CEP70: variants seen among roughly 807,000 people sequenced by gnomAD.
CEP70 encodes the protein centrosomal protein of 70 kDa.
Under a neutral mutation model 90.9 loss-of-function variants are expected in CEP70, and 70 were observed. The observed-to-expected ratio is 0.77, with a 90% CI of 0.64 to 0.94. CEP70 has a LOEUF of 0.94. Among genes scored for constraint, CEP70 ranks in the 40% least tolerant of loss-of-function variants. The probability of loss-of-function intolerance (pLI) is 0.00; values close to 1 mark genes in which losing one functional copy is unlikely to be tolerated. For synonymous variants in CEP70, 220 were observed against 228.3 expected, an observed-to-expected ratio of 0.96 and a Z score of 0.33; for missense variants, 648 against 669.0, an observed-to-expected ratio of 0.97 and a Z score of 0.35.
At chr3:138,562,560 A>C (rs2040491259) in intron 6 of CEP70, among the ~76,000 whole-genome samples, 1 of 152,132 alleles carries the variant, frequency 6.6e-6, no homozygotes, top group Non-Finnish European at 1.5e-5. Flanking sequence ...AATATTCAAC[A>C]TTCTTAAAAA....
At chr3:138,496,383 G>A (rs924308306) in intron 17 of CEP70, 1 of 985,356 alleles carries the variant, frequency 1.0e-6, no homozygotes, top group Non-Finnish European at 1.2e-6. Flanking sequence ...CAAGATATGG[G>A]AACAGAAACA....
chr3:138,507,824 TAGG>T (rs1245733935), intron 12 of CEP70, among the ~76,000 whole-genome samples: 6 of 152,088 alleles, frequency 3.9e-5, no homozygotes, highest in African/African-American at 1.5e-4. Context: ...TCTGACTTTT[TAGG>T]AGAAGTTAGA....
chr3:138,586,974 TA>T (rs1415791504), intron 2 of CEP70, among the ~76,000 whole-genome samples: 1 of 151,810 alleles, frequency 6.6e-6, no homozygotes, highest in African/African-American at 2.4e-5. Flanking sequence ...CCCATGAAAT[TA>T]AAAAAATTTT....
intron 5 of CEP70, 29 bp from the exon 6 acceptor site, chr3:138,570,527 C>A: frequency 1.9e-6 from 3 of 1,542,754 alleles, no homozygotes; most frequent in South Asian, 1.2e-5. Flanking sequence ...AATTTCTTCC[C>A]TTAGTATTAA....
chr3:138,536,609 A>C (rs2038285336), intron 7 of CEP70, among the ~76,000 whole-genome samples: 1 of 152,026 alleles, frequency 6.6e-6, no homozygotes, highest in Non-Finnish European at 1.5e-5. Flanking sequence ...TATTATTTTG[A>C]AACTATTTTT....
intron 2 of CEP70, among the ~76,000 whole-genome samples, chr3:138,582,249 G>A (rs954244789): frequency 1.8e-4 from 27 of 152,074 alleles, no homozygotes; most frequent in African/African-American, 6.5e-4. Flanking sequence ...CGAGATGGGT[G>A]GATCACGAGG....
intron 2 of CEP70, among the ~76,000 whole-genome samples, chr3:138,573,669 G>A (rs997632591): frequency 1.5e-4 from 23 of 152,304 alleles, no homozygotes; most frequent in Admixed American, 1.1e-3. Context: ...AAAAATGGGC[G>A]AGTTTAAACA....
At chr3:138,592,421 A>G (rs1478429096) in intron 1 of CEP70, among the ~76,000 whole-genome samples, 1 of 152,160 alleles carries the variant, frequency 6.6e-6, no homozygotes, top group Non-Finnish European at 1.5e-5. Context: ...CCTTTTCCCC[A>G]CTACAGGCTG....
At chr3:138,537,978 G>GT (rs2038428532) in intron 6 of CEP70, among the ~76,000 whole-genome samples, 2 of 152,072 alleles carry the variant, frequency 1.3e-5, no homozygotes, top group Non-Finnish European at 2.9e-5. Flanking sequence ...CAAGCAGATG[G>GT]TAAGAGAATC....
chr3:138,559,564 C>G (rs559935915), intron 6 of CEP70, among the ~76,000 whole-genome samples: 14 of 152,166 alleles, frequency 9.2e-5, no homozygotes, highest in Non-Finnish European at 2.1e-4. Context: ...GAAACCCCAT[C>G]TCTACTAAAC....
Position 138,495,057 on chromosome 3 carries a change from G to A in CEP70, c.1752C>T (p.Ala584=), listed in dbSNP as rs200651923. ...TTAATTTCTTTACTGCAGGTACAAT[G>A]GCATCCAAGTCATCAATTTCTGTAA... ...LEILEIDDLD[A]IVPAVKKLKV... is the part of the protein sequence containing the mutation. Residue 584 remains alanine (A), a synonymous_variant, in exon 18 of 18, where the codon GCC becomes GCT. Coordinates refer to ENST00000264982, the MANE Select transcript of CEP70 (RefSeq NM_024491.4). 2.1e-5 allele frequency: 32 copies of A among 1,557,104 alleles called. No individual in the cohort carries two copies. In the East Asian group the frequency reaches 6.7e-4, roughly 33 times the overall value.
At chr3:138,521,217 G>T (rs1238139740) in intron 11 of CEP70, among the ~76,000 whole-genome samples, 1 of 152,140 alleles carries the variant, frequency 6.6e-6, no homozygotes, top group Admixed American at 6.5e-5. Context: ...TGCAGCCTCT[G>T]CCCGGCCACC....
intron 11 of CEP70, among the ~76,000 whole-genome samples, chr3:138,520,846 G>T (rs2108786292): frequency 6.6e-6 from 1 of 152,160 alleles, no homozygotes; most frequent in South Asian, 2.1e-4. Context: ...CTTGGCCACA[G>T]TCTCCCTCTG....
chr3:138,581,651 C>A lies in CEP70; in HGVS notation c.-5-8719G>T, dbSNP rs540473437. Reference sequence around the variant, plus strand: ...CTGGGAGGTAAAGGTTGCAGTGACCCGAGATCGCACCTGAGTCAGGGTGAC... The same window carrying A: ...CTGGGAGGTAAAGGTTGCAGTGACCAGAGATCGCACCTGAGTCAGGGTGAC... On this transcript the variant is annotated intron_variant, in intron 2 of 17. Transcript: ENST00000264982. Among the ~76,000 whole-genome samples the A allele has an allele frequency of 7.3e-4, 104 of 143,198 alleles. 2 individuals are homozygous for A. The highest frequency in any genetic ancestry group is 2.7e-3 in the African/African-American group (100 of 37,606). The allele number at this position is 143,198 out of a possible 152,430, so 93.9% of individuals were successfully genotyped here. A position where few individuals can be genotyped will look rare whatever the true frequency, so the allele number is the denominator to read the frequency against.
chr3:138,526,043 A>G (rs556421617), intron 10 of CEP70, among the ~76,000 whole-genome samples: 4 of 152,286 alleles, frequency 2.6e-5, no homozygotes, highest in South Asian at 4.1e-4. Context: ...AATTTTTACT[A>G]CATATTTATA....
intron 11 of CEP70, among the ~76,000 whole-genome samples, chr3:138,521,879 T>C (rs956865320): frequency 6.6e-6 from 1 of 152,186 alleles, no homozygotes; most frequent in Non-Finnish European, 1.5e-5. Context: ...AAAGATCAGA[T>C]TGTTACTGTG....
At chr3:138,572,796 G>A (rs1279526546) in intron 3 of CEP70, 63 bp downstream of exon 3, 3 of 1,057,050 alleles carry the variant, frequency 2.8e-6, no homozygotes, top group Non-Finnish European at 4.4e-6. Context: ...TTTCCTGTTT[G>A]TAGATGTAGC....
At chr3:138,520,770 AG>A (rs2108785666) in intron 11 of CEP70, among the ~76,000 whole-genome samples, 1 of 152,314 alleles carries the variant, frequency 6.6e-6, no homozygotes, top group Non-Finnish European at 1.5e-5. Flanking sequence ...CACAATTAAA[AG>A]AACTAGAGCT....
intron 11 of CEP70, among the ~76,000 whole-genome samples, chr3:138,523,493 A>T (rs1341930155): frequency 7.2e-5 from 11 of 152,068 alleles, no homozygotes; most frequent in Non-Finnish European, 1.5e-4. Context: ...CTCAGCCCAA[A>T]ATCTCCTTAA....
Sources: gnomAD v4.1 joint callset for allele counts (sites outside exome capture counted in the v4.1 genomes callset) on GRCh38, gnomAD v4.1.1 for gene constraint, MANE v1.5 for transcripts, NCBI Gene and HGNC (gene_info 2026-07-23, HGNC 2026-07-21) for gene names.